Variants in SRRM3 observed in about 807,000 individuals in gnomAD.
SRRM3 encodes serine/arginine repetitive matrix 3, also known as serine/arginine repetitive matrix protein 3.
Under a neutral mutation model 66.2 loss-of-function variants are expected in SRRM3, and 27 were observed. The ratio of observed to expected loss-of-function variants is 0.41; its 90% confidence interval spans 0.30 to 0.56. The LOEUF is 0.56. Ranked by LOEUF, SRRM3 falls within the 20% of genes least tolerant of loss-of-function variation. The pLI is 0.32. For missense variants in SRRM3, 918 were observed against 991.9 expected, an observed-to-expected ratio of 0.93 and a Z score of 1.00; for synonymous variants, 391 against 414.9, an observed-to-expected ratio of 0.94 and a Z score of 0.70.
At chr7:76,278,051 T>G (rs1204173280) in intron 11 of SRRM3, among the ~76,000 whole-genome samples, 1 of 152,122 alleles carries the variant, frequency 6.6e-6, no homozygotes, top group African/African-American at 2.4e-5. Flanking sequence ...CTCATTTGCC[T>G]CCTGTTGAGG....
At chr7:76,284,506 C>T (rs1802609565) in intron 14 of SRRM3, among the ~76,000 whole-genome samples, 1 of 152,150 alleles carries the variant, frequency 6.6e-6, no homozygotes, top group Admixed American at 6.5e-5. Flanking sequence ...CGGATGTCCT[C>T]TCCCACCTCC....
intron 14 of SRRM3, among the ~76,000 whole-genome samples, chr7:76,284,191 T>TC (rs1563644254): frequency 6.7e-6 from 1 of 150,224 alleles, no homozygotes; most frequent in Non-Finnish European, 1.5e-5. Context: ...TTTTTTTTTT[T>TC]AAGACGGAGC....
intron 2 of SRRM3, among the ~76,000 whole-genome samples, chr7:76,246,290 G>A (rs1196507274): frequency 6.6e-6 from 1 of 152,140 alleles, no homozygotes; most frequent in Non-Finnish European, 1.5e-5. Context: ...GTGGCCGGGT[G>A]CGTTGTCTCA....
chr7:76,204,828 T>C (rs118159742), intron 1 of SRRM3, among the ~76,000 whole-genome samples: 2,551 of 152,206 alleles, frequency 0.017, 25 homozygotes, highest in Non-Finnish European at 0.022. Flanking sequence ...ATCCTAACAC[T>C]TTGGGAGGCC....
chr7:76,282,622 T>C, intron 12 of SRRM3, 26 bp from the exon 13 acceptor site: 1 of 912,356 alleles, frequency 1.1e-6, no homozygotes. Flanking sequence ...CGCTGAGCCC[T>C]ATCCCGCGCC....
chr7:76,256,208 G>A (rs868921499), intron 3 of SRRM3, among the ~76,000 whole-genome samples: 3 of 152,050 alleles, frequency 2.0e-5, no homozygotes, highest in Non-Finnish European at 4.4e-5. Flanking sequence ...GTAAAGGAAC[G>A]AAAGAATGGC....
intron 11 of SRRM3, among the ~76,000 whole-genome samples, chr7:76,272,660 A>G (rs190529851): frequency 6.6e-6 from 1 of 152,008 alleles, no homozygotes; most frequent in East Asian, 1.9e-4. Flanking sequence ...TCAAAAAAAA[A>G]CCCCAAAAAA....
chr7:76,265,068 C>T (rs782234696), intron 9 of SRRM3, among the ~76,000 whole-genome samples: 3 of 152,102 alleles, frequency 2.0e-5, no homozygotes, highest in Non-Finnish European at 2.9e-5. Context: ...CCTCCCACCC[C>T]ACAAGTCCCA....
chr7:76,261,357 G>A lies in SRRM3; in HGVS notation c.581G>A (p.Gly194Glu), dbSNP rs781974797. The A allele has an allele frequency of 6.3e-7, 1 of 1,586,286 alleles. No individual in the cohort carries two copies. Among genetic ancestry groups the A allele is most frequent in the Admixed American group, 1.8e-5 (1 of 55,526 alleles). ...CCACCTCCCTGTGTCCACAGCTGTGGGAGCTCCTCACCCCTCCGCAAGAAG... is the reference window on the plus strand; with the variant it reads ...CCACCTCCCTGTGTCCACAGCTGTGAGAGCTCCTCACCCCTCCGCAAGAAG... ...KRRLESECSCGSSSPLRKKKK... is the reference protein window; with the variant it reads ...KRRLESECSCESSSPLRKKKK... Residue 194 changes from glycine (G) to glutamate (E), a missense_variant, in exon 7 of 15, where the codon GGG becomes GAG. Physicochemically the swap from Gly to Glu is moderately conservative, Grantham distance 98. Transcript: ENST00000611745.
At chr7:76,257,278 A>G (rs1801735831) in intron 3 of SRRM3, among the ~76,000 whole-genome samples, 1 of 151,920 alleles carries the variant, frequency 6.6e-6, no homozygotes, top group Admixed American at 6.6e-5. Flanking sequence ...GGGGTGAGCC[A>G]GGTGGACAGC....
chr7:76,236,031 G>T (rs1273329536), intron 2 of SRRM3, among the ~76,000 whole-genome samples: 1 of 76,374 alleles, frequency 1.3e-5, no homozygotes, highest in African/African-American at 6.6e-5. Flanking sequence ...AAAAAAAAAA[G>T]GCCGGGCGCG....
intron 11 of SRRM3, among the ~76,000 whole-genome samples, chr7:76,278,496 A>T (rs1207277733): frequency 4.6e-5 from 7 of 151,930 alleles, no homozygotes; most frequent in Admixed American, 4.6e-4. Flanking sequence ...CAAAAATAAT[A>T]AAAAAATAAA....
intron 11 of SRRM3, among the ~76,000 whole-genome samples, chr7:76,275,405 C>T (rs1442365153): frequency 6.7e-6 from 1 of 150,216 alleles, no homozygotes; most frequent in African/African-American, 2.5e-5. Context: ...AGGGGTATCG[C>T]TTGAGCCCAG....
intron 9 of SRRM3, 147 bp from the exon 10 acceptor site, chr7:76,265,217 T>C: frequency 1.7e-6 from 1 of 579,726 alleles, no homozygotes; most frequent in Non-Finnish European, 3.0e-6. Context: ...CTGATGTACC[T>C]TTTATAGGAG....
intron 1 of SRRM3, among the ~76,000 whole-genome samples, chr7:76,212,551 C>T (rs904286872): frequency 6.7e-6 from 1 of 149,982 alleles, no homozygotes; most frequent in Non-Finnish European, 1.5e-5. Flanking sequence ...TCACTGCAAC[C>T]TCCGCCTCCC....
intron 11 of SRRM3, among the ~76,000 whole-genome samples, chr7:76,278,564 T>C (rs1186917640): frequency 6.6e-6 from 1 of 152,126 alleles, no homozygotes; most frequent in East Asian, 1.9e-4. Flanking sequence ...AGGGGTGAGC[T>C]TGTGATCAGG....
intron 3 of SRRM3, among the ~76,000 whole-genome samples, chr7:76,249,837 G>T (rs548540354): frequency 1.3e-5 from 2 of 151,940 alleles, no homozygotes; most frequent in African/African-American, 2.4e-5. Context: ...ACTTGAACCC[G>T]CCTCAGAACA....
At chr7:76,282,589 C>CCCCCCCCCCCCCCCTTCCCGGGG in intron 12 of SRRM3, 59 bp from the exon 13 acceptor site, 1 of 959,182 alleles carries the variant, frequency 1.0e-6, no homozygotes, top group Non-Finnish European at 1.4e-6. Flanking sequence ...GAACCCTCCC[C>CCCCCCCCCCCCCCCTTCCCGGGG]GCCCCCAGCC....
intron 3 of SRRM3, among the ~76,000 whole-genome samples, chr7:76,255,487 G>A (rs1801692521): frequency 6.6e-6 from 1 of 152,082 alleles, no homozygotes; most frequent in Non-Finnish European, 1.5e-5. Context: ...TGTCACTCAA[G>A]CTGGAGTGCA....
Sources: gnomAD v4.1 joint callset for allele counts (sites outside exome capture counted in the v4.1 genomes callset) on GRCh38, gnomAD v4.1.1 for gene constraint, MANE v1.5 for transcripts, NCBI Gene and HGNC (gene_info 2026-07-23, HGNC 2026-07-21) for gene names.